Variants in ARHGEF37 observed in about 807,000 individuals in gnomAD.
The protein encoded by ARHGEF37 is Rho guanine nucleotide exchange factor (GEF) 37.
Under a neutral mutation model 71.1 loss-of-function variants are expected in ARHGEF37, and 55 were observed. That is an observed-to-expected ratio of 0.77 (90% CI 0.62 to 0.97). The LOEUF (loss-of-function observed/expected upper bound fraction) is 0.97, where lower values mean the gene tolerates loss of function less well. Ranked by LOEUF, ARHGEF37 falls within the 50% of genes least tolerant of loss-of-function variation. The pLI, the probability that ARHGEF37 is intolerant of heterozygous loss-of-function variation, is 0.00. For synonymous variants in ARHGEF37, 327 were observed against 350.6 expected (o/e 0.93, Z 0.75); for missense variants, 765 against 836.8 (o/e 0.91, Z 1.06).
Position 149,632,499 on chromosome 5 carries a change from GC to G in ARHGEF37, c.*310del. 2.8e-6 allele frequency: 1 copy of G among 355,816 alleles called. No individual in the cohort carries two copies. Among genetic ancestry groups the G allele is most frequent in the Non-Finnish European group, 5.3e-6 (1 of 188,312 alleles). The allele number at this position is 355,816 out of a possible 1,614,324, so 22.0% of individuals were successfully genotyped here. ...TGGCCAGGACTCTCCATAGGTTATG[GC>G]CAGTCTTAGCTGTGCCTGCATCCGG... On this transcript the variant is annotated 3_prime_UTR_variant, in exon 13 of 13. Transcript: ENST00000333677.
At chr5:149,577,521 A>G (rs59260971), upstream of ARHGEF37, among the ~76,000 whole-genome samples, 349 of 152,356 alleles carry the variant, frequency 2.3e-3, 10 homozygotes, top group East Asian at 0.057. Context: ...AGTGATTCTA[A>G]TGATTAAAAA....
intron 1 of ARHGEF37, among the ~76,000 whole-genome samples, chr5:149,575,671 ATTTTTTTTTTTTTT>A (rs751297275): frequency 1.9e-5 from 2 of 107,302 alleles, no homozygotes; most frequent in Middle Eastern, 6.9e-3. Flanking sequence ...CCAAATGACT[ATTTTTTTTTTTTTT>A]TTTTTTTTTT....
intron 1 of ARHGEF37, among the ~76,000 whole-genome samples, chr5:149,555,130 C>CAAAAAAAAAAAAA (rs914879036): frequency 1.8e-5 from 1 of 55,980 alleles, no homozygotes. Context: ...GACTCTGTCT[C>CAAAAAAAAAAAAA]AAAAAAAAAA....
chr5:149,555,562 G>A (rs954978828), intron 1 of ARHGEF37, among the ~76,000 whole-genome samples: 1 of 151,016 alleles, frequency 6.6e-6, no homozygotes, highest in Non-Finnish European at 1.5e-5. Flanking sequence ...TGATCCTGAC[G>A]CCTCATCCTC....
chr5:149,583,514 A>G (rs1763158871), intron 1 of ARHGEF37, among the ~76,000 whole-genome samples: 1 of 152,198 alleles, frequency 6.6e-6, no homozygotes, highest in Admixed American at 6.5e-5. Flanking sequence ...TCAGCAATAG[A>G]GCCTCAGCTG....
At chr5:149,567,327 A>G (rs1198665424) in intron 1 of ARHGEF37, among the ~76,000 whole-genome samples, 6 of 152,232 alleles carry the variant, frequency 3.9e-5, no homozygotes. Flanking sequence ...CCAACCCAGC[A>G]TATCTCAGTA....
chr5:149,556,215 A>T (rs1001888232), intron 1 of ARHGEF37, among the ~76,000 whole-genome samples: 1 of 152,040 alleles, frequency 6.6e-6, no homozygotes, highest in African/African-American at 2.4e-5. Flanking sequence ...TATTTTTGAG[A>T]TGGAGTCTCA....
intron 1 of ARHGEF37, among the ~76,000 whole-genome samples, chr5:149,554,167 CA>C (rs900226225): frequency 3.6e-4 from 55 of 150,988 alleles, no homozygotes; most frequent in Non-Finnish European, 6.9e-4. Context: ...GACTTTGTCT[CA>C]AAAAAAAAGT....
chr5:149,592,018 A>AT (rs1255266736), intron 1 of ARHGEF37, among the ~76,000 whole-genome samples: 1 of 152,210 alleles, frequency 6.6e-6, no homozygotes, highest in Non-Finnish European at 1.5e-5. Flanking sequence ...TTATTTTGAA[A>AT]TAATTATACA....
rs1752490359 is a variant in ARHGEF37 at position 149,620,050 on chromosome 5, G to A, written c.895-304G>A. Reference sequence around the variant, plus strand: ...ATCATGCCACTGCACACCAGCCTGGGTGACAGAGTGAGACTCTGTCTCAAA... The same window carrying A: ...ATCATGCCACTGCACACCAGCCTGGATGACAGAGTGAGACTCTGTCTCAAA... On this transcript the variant is annotated intron_variant, in intron 7 of 12. Coordinates refer to ENST00000333677, the MANE Select transcript of ARHGEF37 (RefSeq NM_001001669.3). Among the ~76,000 whole-genome samples the A allele has an allele frequency of 2.0e-5, 3 of 150,382 alleles. No homozygotes were observed. In the South Asian group the frequency reaches 6.4e-4, roughly 32 times the overall value.
Position 149,592,267 on chromosome 5 carries a change from A to G in ARHGEF37, c.-11-5492A>G, listed in dbSNP as rs1002472728. 6.6e-5 allele frequency among the ~76,000 whole-genome samples: 10 copies of G among 152,354 alleles called. No individual in the cohort carries two copies. The South Asian group carries it at 1.7e-3, about 25-fold the overall frequency. On this transcript the variant is annotated intron_variant, in intron 1 of 12. Coordinates refer to ENST00000333677, the MANE Select transcript of ARHGEF37 (RefSeq NM_001001669.3). ...TTGTAGACAATAACACTGTCACCAC[A>G]AAGTTCTCTCTGTTACTATTCTTTT... is the stretch of plus-strand genomic sequence containing the variant.
At chr5:149,606,863 C>A (rs1054691601) in intron 3 of ARHGEF37, 1 of 152,122 alleles carries the variant, frequency 6.6e-6, no homozygotes, top group African/African-American at 2.4e-5. Context: ...ACTTTAAGAC[C>A]CTACATGATC....
At chr5:149,628,197 G>C (rs1459649059) in intron 11 of ARHGEF37, among the ~76,000 whole-genome samples, 2 of 152,188 alleles carry the variant, frequency 1.3e-5, no homozygotes. Context: ...TGTGATCTCA[G>C]GGAAGTCATG....
At position 149,616,637 on chromosome 5, in the gene ARHGEF37, C is replaced by G. The variant is rs781122430; in HGVS notation, c.529C>G (p.Leu177Val). Residue 177 changes from leucine (L) to valine (V), a missense_variant, in exon 5 of 13, where the codon CTG becomes GTG. Transcript: ENST00000333677. ...TCTGCAGAGGATCACCAGGTACCCA[C>G]TGCTGCTGCAGAAAATCCTGGAGAA... Reference protein sequence around the residue: ...IPLQRITRYPLLLQKILENTV... With the variant: ...IPLQRITRYPVLLQKILENTV... The G allele has an allele frequency of 5.0e-6, 8 of 1,613,448 alleles. No individual in the cohort carries two copies. The South Asian group carries it at 7.7e-5, about 16-fold the overall frequency.
At chr5:149,561,675 A>G (rs1762833745) in intron 1 of ARHGEF37, among the ~76,000 whole-genome samples, 1 of 152,136 alleles carries the variant, frequency 6.6e-6, no homozygotes, top group African/African-American at 2.4e-5. Context: ...TGTGTTTCCT[A>G]TCCCACTCCC....
At chr5:149,585,661 G>A (rs1763214452) in intron 1 of ARHGEF37, among the ~76,000 whole-genome samples, 1 of 145,048 alleles carries the variant, frequency 6.9e-6, no homozygotes, top group Non-Finnish European at 1.5e-5. Flanking sequence ...GGGATTACAG[G>A]TGTCTGCCAC....
chr5:149,628,799 T>C lies in ARHGEF37; in HGVS notation c.1661-10T>C. On this transcript the variant is annotated splice_polypyrimidine_tract_variant and intron_variant, in intron 11 of 12. Coordinates refer to ENST00000333677, the MANE Select transcript of ARHGEF37 (RefSeq NM_001001669.3). ...GCCCGCAGCCTGCTAACCTTCTGCATGCTCCCTAGGACATCGTGGGTATGT... is the reference window on the plus strand; with the variant it reads ...GCCCGCAGCCTGCTAACCTTCTGCACGCTCCCTAGGACATCGTGGGTATGT... 1.2e-6 allele frequency: 2 copies of C among 1,609,322 alleles called. No homozygotes were observed. The highest frequency in any genetic ancestry group is 1.7e-6 in the Non-Finnish European group (2 of 1,177,570).
chr5:149,602,434 T>C (rs1463763313), intron 3 of ARHGEF37, among the ~76,000 whole-genome samples: 1 of 152,028 alleles, frequency 6.6e-6, no homozygotes, highest in East Asian at 1.9e-4. Context: ...AGCAGCGAGA[T>C]CAGTTGGGGG....
At chr5:149,552,682 A>G (rs1224324715) in intron 1 of ARHGEF37, among the ~76,000 whole-genome samples, 1 of 152,154 alleles carries the variant, frequency 6.6e-6, no homozygotes. Context: ...TACTAAAAAT[A>G]CAAAAATTAG....
Sources: gnomAD v4.1 joint callset for allele counts (sites outside exome capture counted in the v4.1 genomes callset) on GRCh38, gnomAD v4.1.1 for gene constraint, MANE v1.5 for transcripts, NCBI Gene and HGNC (gene_info 2026-07-23, HGNC 2026-07-21) for gene names.